TTN: variants seen among roughly 807,000 people sequenced by gnomAD.
TTN encodes titin, also known as connectin.
TTN carries 1,525 observed loss-of-function variants against 3,223.0 expected under a neutral mutation model. The ratio of observed to expected loss-of-function variants is 0.47; its 90% CI spans 0.45 to 0.49. The LOEUF is 0.49. TTN is among the 20% of genes least tolerant of loss of function. TTN has a pLI of 0.00. For synonymous variants in TTN, 14,094 were observed against 15,161.0 expected, an observed-to-expected ratio of 0.93 and a Z score of 5.17; for missense variants, 40,786 against 43,424.0, an observed-to-expected ratio of 0.94 and a Z score of 5.40.
At chr2:178,772,952 C>T (rs2091745582) in intron 33 of TTN, 157 bp downstream of exon 33, 1 of 865,706 alleles carries the variant, frequency 1.2e-6, no homozygotes, top group African/African-American at 1.7e-5. Flanking sequence ...GTAATTTAGG[C>T]TGGTGGGAAT....
Position 178,543,405 on chromosome 2 carries a change from G to C in TTN, c.96568C>G (p.Pro32190Ala), listed in dbSNP as rs1314931381. 1 of 1,613,806 alleles carries C rather than the reference G, an allele frequency of 6.2e-7. No homozygotes were observed. The change falls in exon 347 of 363, where the codon CCT becomes GCT. Residue 32190 changes from proline (P) to alanine (A), a missense_variant. Physicochemically the swap from Pro to Ala is conservative, Grantham distance 27 (BLOSUM62 -1). Coordinates refer to ENST00000589042, the MANE Select transcript of TTN (RefSeq NM_001267550.2). ...LPENIYGIGE[P>A]CETSDAVLVS... ...AGTACTGCATCAGATGTTTCACAAG[G>C]TTCTCCAATGCCATAAATATTTTCT...
chr2:178,533,917 T>C lies in TTN; in HGVS notation c.102698A>G (p.Tyr34233Cys), dbSNP rs1461306828. 5 of 1,613,756 alleles carry C rather than the reference T, an allele frequency of 3.1e-6. No homozygotes were observed. In the Admixed American group the frequency reaches 5.0e-5, roughly 16 times the overall value. Residue 34233 changes from tyrosine (Y) to cysteine (C), a missense_variant, in exon 358 of 363, where the codon TAT becomes TGT. Coordinates refer to ENST00000589042, the MANE Select transcript of TTN (RefSeq NM_001267550.2). ...ELFVKGVREVYDYYCRRTMKK... is the reference protein window; with the variant it reads ...ELFVKGVREVCDYYCRRTMKK... ...CATGGTTCTACGGCAGTAATAGTCATAGACTTCTCTCACACCTTTAACAAA... is the reference window on the plus strand; with the variant it reads ...CATGGTTCTACGGCAGTAATAGTCACAGACTTCTCTCACACCTTTAACAAA...
In TTN at chr2:178,544,423, C is replaced by T. The variant is rs267599025; in HGVS notation, c.95806G>A (p.Asp31936Asn). ...ISLAWTKPMY[D>N]GGTDIVGYVL... ...TATCCTACAATGTCAGTACCACCAT[C>T]GTACATGGGTTTGGTCCATGCCAAA... Residue 31936 changes from aspartate to asparagine, a missense_variant, in exon 345 of 363, where the codon GAT (aspartate) becomes AAT (asparagine). By Grantham distance (23) the Asp-to-Asn change is conservative (BLOSUM62 1). Coordinates refer to ENST00000589042, the MANE Select transcript of TTN (RefSeq NM_001267550.2). 27 of 1,613,618 alleles carry T rather than the reference C, an allele frequency of 1.7e-5. No individual in the cohort carries two copies. Among genetic ancestry groups the T allele is most frequent in the Middle Eastern group, 1.6e-4 (1 of 6,080 alleles).
intron 67 of TTN, 121 bp downstream of exon 67, chr2:178,727,986 AATG>A: frequency 7.1e-7 from 1 of 1,413,400 alleles, no homozygotes; most frequent in Non-Finnish European, 9.4e-7. Flanking sequence ...TCTTGAACAC[AATG>A]AATATGTATC....
At position 178,570,945 on chromosome 2, in the gene TTN, CAAT is replaced by C; in HGVS notation, c.75184_75186del (p.Ile25062del). ...AGGCCAGTTACTTCAAAATGAGTGT[CAAT>C]AATATTTGTAAAACTGGCTTTCATC... On this transcript the variant is annotated inframe_deletion, in exon 326 of 363. Coordinates refer to ENST00000589042, the MANE Select transcript of TTN (RefSeq NM_001267550.2). The C allele has an allele frequency of 6.2e-7, 1 of 1,613,558 alleles. No homozygotes were observed. The highest frequency in any genetic ancestry group is 8.5e-7 in the Non-Finnish European group (1 of 1,179,626).
In TTN at chr2:178,564,587, A is replaced by T. The variant is rs373448447; in HGVS notation, c.81545T>A (p.Ile27182Asn). 7.4e-6 allele frequency: 12 copies of T among 1,613,512 alleles called. No homozygotes were observed. The African/African-American group carries it at 1.2e-4, about 16-fold the overall frequency. ...TTTCAGTGTGACATTGTTTCTTGTA[A>T]TAACAATGGCTTCAGGGCGACCAGG... ...DPPGRPEAIVITRNNVTLKWK... is the reference protein window; with the variant it reads ...DPPGRPEAIVNTRNNVTLKWK... Residue 27182 changes from isoleucine to asparagine, a missense_variant, in exon 326 of 363, where the codon ATT becomes AAT. By Grantham distance (149) the Ile-to-Asn change is moderately radical. Coordinates refer to ENST00000589042, the MANE Select transcript of TTN (RefSeq NM_001267550.2).
chr2:178,713,029 C>A lies in TTN; in HGVS notation c.27050-54G>T. Reference sequence around the variant, plus strand: ...GTTTAGTATTTGTGAATTGTTATGACAAACATGCTTAATAAACTATGAAAT... The same window carrying A: ...GTTTAGTATTTGTGAATTGTTATGAAAAACATGCTTAATAAACTATGAAAT... On this transcript the variant is annotated intron_variant, in intron 93 of 362. Transcript: ENST00000589042. 1.9e-6 allele frequency: 3 copies of A among 1,604,734 alleles called. No homozygotes were observed. The African/African-American group carries it at 4.0e-5, about 21-fold the overall frequency.
At position 178,537,887 on chromosome 2, in the gene TTN, A is replaced by G. The variant is rs942438397; in HGVS notation, c.99320T>C (p.Met33107Thr). The G allele has an allele frequency of 3.1e-6, 5 of 1,612,202 alleles. No individual in the cohort carries two copies. In the African/African-American group the frequency reaches 5.3e-5, roughly 17 times the overall value. The change falls in exon 355 of 363, where the codon ATG becomes ACG. Residue 33107 changes from methionine to threonine, a missense_variant. Physicochemically the swap from Met to Thr is moderately conservative, Grantham distance 81 (BLOSUM62 -1). Transcript: ENST00000589042. ...SGEAPGIRKE[M>T]KDVTTKLGEA... ...ACCCAATTTTGTGGTAACATCCTTCATTTCTTTGCGTATTCCTGGGGCCTC... is the reference window on the plus strand; with the variant it reads ...ACCCAATTTTGTGGTAACATCCTTCGTTTCTTTGCGTATTCCTGGGGCCTC...
At chr2:178,679,246 T>C in intron 142 of TTN, 93 bp downstream of exon 142, 1 of 1,335,270 alleles carries the variant, frequency 7.5e-7, no homozygotes, top group Non-Finnish European at 1.1e-6. Context: ...ATGTTGTTAA[T>C]ATTGTCATGG....
chr2:178,727,058 T>C, intron 69 of TTN, 32 bp downstream of exon 69: 1 of 1,415,956 alleles, frequency 7.1e-7, no homozygotes, highest in Non-Finnish European at 9.3e-7. Context: ...GTGGTTTTCA[T>C]TTAATGAGAA....
chr2:178,557,006 G>C lies in TTN; in HGVS notation c.88148C>G (p.Thr29383Ser), dbSNP rs2154155238. 6.2e-7 allele frequency: 1 copy of C among 1,613,752 alleles called. No homozygotes were observed. ...ERRDLPDGRW[T>S]KASFTNVTET... Reference sequence around the variant, plus strand: ...AGTAACATTGGTGAAGCTGGCCTTGGTCCATCTGCCATCTGGAAGGTCACG... The same window carrying C: ...AGTAACATTGGTGAAGCTGGCCTTGCTCCATCTGCCATCTGGAAGGTCACG... Residue 29383 changes from threonine (T) to serine (S), a missense_variant, in exon 330 of 363, where the codon ACC (threonine) becomes AGC (serine). Transcript: ENST00000589042.
intron 295 of TTN, among the ~76,000 whole-genome samples, chr2:178,594,946 A>G (rs2051122476): frequency 6.6e-6 from 1 of 152,076 alleles, no homozygotes; most frequent in Non-Finnish European, 1.5e-5. Context: ...TAATGCCATT[A>G]AGTGGGAAAT....
Position 178,559,952 on chromosome 2 carries a change from G to A in TTN, c.86180C>T (p.Ser28727Phe), listed in dbSNP as rs768069914. 6.2e-7 allele frequency: 1 copy of A among 1,613,832 alleles called. No individual in the cohort carries two copies. The highest frequency in any genetic ancestry group is 1.1e-5 in the South Asian group (1 of 91,086). Residue 28727 changes from serine (S) to phenylalanine (F), a missense_variant, in exon 326 of 363, where the codon TCT (serine) becomes TTT (phenylalanine). By Grantham distance (155) the Ser-to-Phe change is radical. Coordinates refer to ENST00000589042, the MANE Select transcript of TTN (RefSeq NM_001267550.2). ...TGAEYVFRVK[S>F]VNKVGASDPS... The stretch of plus-strand genomic sequence containing the variant: ...GTCACTAGCACCAACCTTATTGACA[G>A]ATTTTACTCTGAAAACATATTCAGC...
At chr2:178,689,750 T>G in intron 122 of TTN, 63 bp downstream of exon 122, 1 of 1,523,116 alleles carries the variant, frequency 6.6e-7, no homozygotes, top group Admixed American at 2.0e-5. Flanking sequence ...GAACAGATAA[T>G]TAAACACAAC....
intron 240 of TTN, among the ~76,000 whole-genome samples, chr2:178,628,233 T>C (rs1349418811): frequency 6.6e-6 from 1 of 152,116 alleles, no homozygotes; most frequent in African/African-American, 2.4e-5. Context: ...TCAAAGCAGT[T>C]ACTTGAAGGC....
rs72646843 is a variant in TTN, at chr2:178,591,235, C to G, written c.60490G>C (p.Val20164Leu). The G allele has an allele frequency of 7.1e-4, 1,152 of 1,613,302 alleles. 10 individuals carry two copies. The African/African-American group carries it at 0.014, about 19-fold the overall frequency. Residue 20164 changes from valine (V) to leucine (L), a missense_variant, in exon 304 of 363, where the codon GTA becomes CTA. Val to Leu is a conservative substitution (Grantham distance 32). Transcript: ENST00000589042. ...SNAAGSKTVA[V>L]HLTVLDVPGP... Reference sequence around the variant, plus strand: ...GGAACATCAAGAACAGTAAGATGTACGGCTACTGTTTTGCTACCGGCTGCA... The same window carrying G: ...GGAACATCAAGAACAGTAAGATGTAGGGCTACTGTTTTGCTACCGGCTGCA...
At position 178,650,245 on chromosome 2, in the gene TTN, G is replaced by A. The variant is rs999634921; in HGVS notation, c.39736C>T (p.Pro13246Ser). The A allele has an allele frequency of 6.4e-7, 1 of 1,568,380 alleles. No individual in the cohort carries two copies. The highest frequency in any genetic ancestry group is 8.7e-7 in the Non-Finnish European group (1 of 1,154,236). Reference sequence around the variant, plus strand: ...TCTTCAGGAGCAATTTCCTCTTCAGGAGCAATTTCCTCAGGTTCTTCATAT... The same window carrying A: ...TCTTCAGGAGCAATTTCCTCTTCAGAAGCAATTTCCTCAGGTTCTTCATAT... Reference protein sequence around the residue: ...EVYEEPEEIAPEEEIAPEEEK... With the variant: ...EVYEEPEEIASEEEIAPEEEK... The change falls in exon 210 of 363, where the codon CCT becomes TCT. Residue 13246 changes from proline to serine, a missense_variant. By Grantham distance (74) the Pro-to-Ser change is moderately conservative. Transcript: ENST00000589042.
Position 178,571,953 on chromosome 2 carries a change from C to A in TTN, c.74179G>T (p.Val24727Leu), listed in dbSNP as rs773070815. 4 of 1,613,302 alleles carry A rather than the reference C, an allele frequency of 2.5e-6. No homozygotes were observed. The highest frequency in any genetic ancestry group is 3.4e-6 in the Non-Finnish European group (4 of 1,179,588). ...AFKLLFNTFT[V>L]LAGEDLKVDV... is the part of the protein sequence containing the mutation. ...ACTTTTAGGTCTTCACCTGCCAGTA[C>A]AGTGAAAGTATTGAACAGGAGTTTG... The change falls in exon 326 of 363, where the codon GTA becomes TTA. Residue 24727 changes from valine to leucine, a missense_variant. Physicochemically the swap from Val to Leu is conservative, Grantham distance 32. Coordinates refer to ENST00000589042, the MANE Select transcript of TTN (RefSeq NM_001267550.2).
In TTN at chr2:178,609,439, C is replaced by G; in HGVS notation, c.51871G>C (p.Glu17291Gln). The change falls in exon 273 of 363, where the codon GAG becomes CAG. Residue 17291 changes from glutamate to glutamine, a missense_variant. Physicochemically the swap from Glu to Gln is conservative, Grantham distance 29. Coordinates refer to ENST00000589042, the MANE Select transcript of TTN (RefSeq NM_001267550.2). The stretch of plus-strand genomic sequence containing the variant: ...GGTGCTGCACGCTTCTTAATTTCCT[C>G]TGGTACAATAACATTTTCATCCTTT... ...WIKDENVIVP[E>Q]EIKKRAAPLV... is the part of the protein sequence containing the mutation. The G allele has an allele frequency of 6.2e-7, 1 of 1,612,356 alleles. No individual in the cohort carries two copies. The highest frequency in any genetic ancestry group is 1.3e-5 in the African/African-American group (1 of 74,916).
Sources: gnomAD v4.1 joint callset for allele counts (sites outside exome capture counted in the v4.1 genomes callset) on GRCh38, gnomAD v4.1.1 for gene constraint, MANE v1.5 for transcripts, NCBI Gene and HGNC (gene_info 2026-07-23, HGNC 2026-07-21) for gene names.